The following PABPC4 variants were observed in gnomAD, a reference collection of about 807,000 sequenced individuals.
PABPC4 encodes polyadenylate-binding protein 4.
In PABPC4, 15 loss-of-function variants were observed where a neutral mutation model predicts 74.5. The observed-to-expected ratio is 0.20, with a 90% CI of 0.13 to 0.31. The LOEUF (loss-of-function observed/expected upper bound fraction) is 0.31. Ranked by LOEUF, PABPC4 falls within the 10% of genes least tolerant of loss-of-function variation. The pLI, the probability that PABPC4 is intolerant of heterozygous loss-of-function variation, is 1.00. For missense variants in PABPC4, 610 were observed against 853.5 expected, an observed-to-expected ratio of 0.71 and a Z score of 3.55; for synonymous variants, 345 against 303.0, an observed-to-expected ratio of 1.14 and a Z score of -1.44.
In PABPC4 at chr1:39,571,380, G is replaced by C. The variant is rs373054763; in HGVS notation, c.388-31C>G. The C allele has an allele frequency of 6.8e-6, 11 of 1,612,638 alleles. No homozygotes were observed. In the African/African-American group the frequency reaches 1.3e-4, roughly 20 times the overall value. Reference sequence around the variant, plus strand: ...AAAGACAAGGCGGACCACTTTAGCAGAACTGGCCAGCTCCTGAGACATGAG... The same window carrying C: ...AAAGACAAGGCGGACCACTTTAGCACAACTGGCCAGCTCCTGAGACATGAG... On this transcript the variant is annotated intron_variant, in intron 2 of 15. Transcript: ENST00000372858.
intron 5 of PABPC4, among the ~76,000 whole-genome samples, chr1:39,569,194 A>G (rs537759568): frequency 3.9e-5 from 6 of 152,376 alleles, no homozygotes; most frequent in African/African-American, 1.2e-4. Flanking sequence ...CTAGGGCGAT[A>G]TAATATTCCG....
At chr1:39,571,476 A>G (rs1570394984) in intron 2 of PABPC4, 127 bp from the exon 3 acceptor site, 1 of 1,068,348 alleles carries the variant, frequency 9.4e-7, no homozygotes, top group Non-Finnish European at 1.4e-6. Context: ...GTACACCAGT[A>G]TAATTTTTCT....
intron 3 of PABPC4, 170 bp downstream of exon 3, chr1:39,571,064 A>C: frequency 6.7e-7 from 1 of 1,499,370 alleles, no homozygotes; most frequent in Non-Finnish European, 8.9e-7. Flanking sequence ...GGCGAGTCAA[A>C]AGGGCTGCCA....
chr1:39,569,225 G>C (rs1645898680), intron 5 of PABPC4, among the ~76,000 whole-genome samples: 1 of 152,218 alleles, frequency 6.6e-6, no homozygotes, highest in Non-Finnish European at 1.5e-5. Flanking sequence ...AATTCTGCAG[G>C]TGCTTTTGTG....
chr1:39,567,061 T>A (rs906170011), intron 7 of PABPC4, among the ~76,000 whole-genome samples: 1 of 152,148 alleles, frequency 6.6e-6, no homozygotes, highest in African/African-American at 2.4e-5. Flanking sequence ...GGCGTCTGCA[T>A]CCGGCCATAA....
At chr1:39,561,983 T>A in intron 14 of PABPC4, 90 bp downstream of exon 14, 2 of 1,449,662 alleles carry the variant, frequency 1.4e-6, no homozygotes, top group Non-Finnish European at 9.5e-7. Context: ...GGGCAGCAGA[T>A]CCCACTTTCT....
intron 7 of PABPC4, among the ~76,000 whole-genome samples, chr1:39,566,618 G>A (rs1192190176): frequency 6.6e-6 from 1 of 152,326 alleles, no homozygotes. Flanking sequence ...GTGGAGGATA[G>A]GGAAGTAAAG....
rs1001731863 is a variant in PABPC4, at chr1:39,569,953, C to T, written c.553G>A (p.Ala185Thr). The T allele has an allele frequency of 6.2e-7, 1 of 1,614,112 alleles. No homozygotes were observed. Among genetic ancestry groups the T allele is most frequent in the African/African-American group, 1.3e-5 (1 of 75,068 alleles). The change falls in exon 4 of 16, where the codon GCC (alanine) becomes ACC (threonine). Residue 185 changes from alanine (A) to threonine (T), a missense_variant. Ala to Thr is a moderately conservative substitution (Grantham distance 58, BLOSUM62 0). Coordinates refer to ENST00000372858, the MANE Select transcript of PABPC4 (RefSeq NM_001135653.2). ...ACATTGGTGAATTCCTTGGCTTTGG[C>T]TCCAAGCTCAGCTTCCCGCTCTTTG... ...SRKEREAELG[A>T]KAKEFTNVYI...
chr1:39,574,807 T>C (rs1019902594), intron 1 of PABPC4, among the ~76,000 whole-genome samples: 1 of 152,244 alleles, frequency 6.6e-6, no homozygotes, highest in African/African-American at 2.4e-5. Flanking sequence ...TCCCTTTTAA[T>C]CTGGAGTCAC....
Position 39,563,621 on chromosome 1 carries a change from G to A in PABPC4, c.1661C>T (p.Pro554Leu). The change falls in exon 12 of 16, where the codon CCT becomes CTT. Residue 554 changes from proline (P) to leucine (L), a missense_variant. Physicochemically the swap from Pro to Leu is moderately conservative, Grantham distance 98. Around this residue, in one of 4 missense-constraint regions of PABPC4, gnomAD observed 277 missense variants for 301.8 expected, o/e 0.92. Coordinates refer to ENST00000372858, the MANE Select transcript of PABPC4 (RefSeq NM_001135653.2). ...SVRSPHPAIQ[P>L]LQAPQPAVHV... is the part of the protein sequence containing the mutation. ...CTGTCTGGTGAACCTCACCTGCAGAGGCTGTATGGCAGGATGAGGGCTGCG... is the reference window on the plus strand; with the variant it reads ...CTGTCTGGTGAACCTCACCTGCAGAAGCTGTATGGCAGGATGAGGGCTGCG... 1 of 1,613,826 alleles carries A rather than the reference G, an allele frequency of 6.2e-7. No individual in the cohort carries two copies. Among genetic ancestry groups the A allele is most frequent in the Non-Finnish European group, 8.5e-7 (1 of 1,179,880 alleles).
At chr1:39,565,838 C>T (rs1645829631) in intron 7 of PABPC4, among the ~76,000 whole-genome samples, 1 of 143,170 alleles carries the variant, frequency 7.0e-6, no homozygotes, top group South Asian at 2.4e-4. Context: ...CAAAACAAAA[C>T]AAAACAAAAC....
Position 39,564,489 on chromosome 1 carries a change from G to C in PABPC4, c.1387C>G (p.Arg463Gly), listed in dbSNP as rs756811613. ...GCATTACCAGTTGGAGCCAGATGGC[G>C]AAGAGTTGGACGAGGCCCAGACTGG... ...IRQSGPRPTL[R>G]HLAPTGNAPA... Residue 463 changes from arginine (R) to glycine (G), a missense_variant, in exon 10 of 16, where the codon CGC becomes GGC. Coordinates refer to ENST00000372858, the MANE Select transcript of PABPC4 (RefSeq NM_001135653.2). The C allele has an allele frequency of 5.0e-6, 8 of 1,614,122 alleles. No homozygotes were observed. The Admixed American group carries it at 1.2e-4, about 24-fold the overall frequency.
chr1:39,570,574 G>C (rs1339732822), intron 3 of PABPC4: 1 of 154,280 alleles, frequency 6.5e-6, no homozygotes, highest in Non-Finnish European at 1.4e-5. Flanking sequence ...AATTATTTTG[G>C]CTTGTAATAG....
intron 5 of PABPC4, 167 bp downstream of exon 5, chr1:39,569,428 A>G: frequency 1.6e-6 from 1 of 620,576 alleles, no homozygotes; most frequent in Non-Finnish European, 2.9e-6. Flanking sequence ...AAACACCTAC[A>G]TGAAGTTAAC....
At chr1:39,561,475 C>G (rs561817948) in intron 15 of PABPC4, 18 of 560,222 alleles carry the variant, frequency 3.2e-5, no homozygotes, top group African/African-American at 3.0e-4. Context: ...TCAACCAGTA[C>G]TAGTTTTATT....
At position 39,565,349 on chromosome 1, in the gene PABPC4, C is replaced by A. The variant is rs764440600; in HGVS notation, c.1002G>T (p.Gly334=). 1.9e-6 allele frequency: 3 copies of A among 1,612,798 alleles called. No individual in the cohort carries two copies. In the African/African-American group the frequency reaches 4.0e-5, roughly 22 times the overall value. The stretch of plus-strand genomic sequence containing the variant: ...GAGATGAGAAGCAGACGAAGCCAAA[C>A]CCTTTGCTTCTTCCATCCTCCAGCA... ...KVMLEDGRSK[G]FGFVCFSSPE... is the part of the protein sequence containing the mutation. Residue 334 remains glycine, a synonymous_variant, in exon 8 of 16, where the codon GGG becomes GGT. Coordinates refer to ENST00000372858, the MANE Select transcript of PABPC4 (RefSeq NM_001135653.2).
intron 7 of PABPC4, among the ~76,000 whole-genome samples, chr1:39,566,245 C>T (rs1645839521): frequency 6.6e-6 from 1 of 152,154 alleles, no homozygotes; most frequent in South Asian, 2.1e-4. Flanking sequence ...TTCAAGACCT[C>T]GGTGGACAAA....
intron 3 of PABPC4, 32 bp downstream of exon 3, chr1:39,571,202 C>A: frequency 1.9e-6 from 3 of 1,613,326 alleles, no homozygotes; most frequent in Non-Finnish European, 2.5e-6. Context: ...CTGGCTCATG[C>A]GATGGTTGTT....
At chr1:39,565,526 AC>A in intron 7 of PABPC4, 148 bp from the exon 8 acceptor site, 1 of 761,996 alleles carries the variant, frequency 1.3e-6, no homozygotes, top group African/African-American at 1.8e-5. Context: ...ATGTAGTGAG[AC>A]CTCATCTCAA....
Sources: allele counts gnomAD v4.1 joint callset (sites outside exome capture counted in the v4.1 genomes callset), GRCh38; gene constraint gnomAD v4.1.1; regional missense constraint gnomAD v4.1.1; transcripts MANE v1.5; gene names NCBI Gene and HGNC (gene_info 2026-07-23, HGNC 2026-07-21).